NINL: variants seen among roughly 807,000 people sequenced by gnomAD.
NINL encodes the protein ninein like, also known as ninein-like protein.
In NINL, 153 loss-of-function variants were observed where a neutral mutation model predicts 160.3. The ratio of observed to expected loss-of-function variants is 0.95; its 90% CI spans 0.84 to 1.09. NINL has a LOEUF of 1.09. Ranked by LOEUF, NINL falls within the 50% of genes least tolerant of loss-of-function variation. The probability of loss-of-function intolerance (pLI) is 0.00; values close to 1 mark genes in which losing one functional copy is unlikely to be tolerated. For synonymous variants in NINL, 800 were observed against 734.8 expected (o/e 1.09, Z -1.43); for missense variants, 1,829 against 1,764.0 (o/e 1.04, Z -0.66).
chr20:25,461,070 C>A (rs1031330267), intron 21 of NINL, among the ~76,000 whole-genome samples: 42 of 152,324 alleles, frequency 2.8e-4, no homozygotes, highest in African/African-American at 9.4e-4. Flanking sequence ...ATAGCCCAGC[C>A]TCCTGTGTCT....
intron 4 of NINL, among the ~76,000 whole-genome samples, 163 bp from the exon 5 acceptor site, chr20:25,510,903 A>G (rs2146870358): frequency 6.6e-6 from 1 of 152,318 alleles, no homozygotes; most frequent in African/African-American, 2.4e-5. Context: ...GCTGCCCTGC[A>G]TGCCAGCTAG....
intron 2 of NINL, among the ~76,000 whole-genome samples, chr20:25,518,121 C>T (rs1351246733): frequency 6.6e-6 from 1 of 152,216 alleles, no homozygotes; most frequent in Non-Finnish European, 1.5e-5. Flanking sequence ...GATCTGATGA[C>T]CACGAAACGT....
At chr20:25,453,759 T>C (rs1282543351) in intron 23 of NINL, 117 bp from the exon 24 acceptor site, 1 of 963,738 alleles carries the variant, frequency 1.0e-6, no homozygotes, top group African/African-American at 1.7e-5. Context: ...CTCTTAGAAA[T>C]CTGACCCAAG....
At chr20:25,510,815 A>G in intron 4 of NINL, 75 bp from the exon 5 acceptor site, 1 of 1,144,528 alleles carries the variant, frequency 8.7e-7, no homozygotes. Flanking sequence ...GAACAAATAG[A>G]GCAGGATGTT....
chr20:25,584,005 G>A (rs1009547912), intron 1 of NINL, among the ~76,000 whole-genome samples: 1 of 152,116 alleles, frequency 6.6e-6, no homozygotes, highest in African/African-American at 2.4e-5. Context: ...GCAAGAGGAG[G>A]GAGAGCATTA....
intron 12 of NINL, among the ~76,000 whole-genome samples, chr20:25,489,638 C>G (rs572132294): frequency 1.3e-5 from 2 of 152,194 alleles, no homozygotes; most frequent in Admixed American, 1.3e-4. Flanking sequence ...CCTCCACGCC[C>G]CCCACCACTG....
intron 13 of NINL, among the ~76,000 whole-genome samples, chr20:25,486,293 C>T (rs2063502843): frequency 6.6e-6 from 1 of 152,100 alleles, no homozygotes; most frequent in Non-Finnish European, 1.5e-5. Flanking sequence ...AATAGGTTAG[C>T]ATTTAAATAT....
chr20:25,524,284 C>T (rs926517276), intron 2 of NINL, among the ~76,000 whole-genome samples: 2 of 152,148 alleles, frequency 1.3e-5, no homozygotes, highest in African/African-American at 4.8e-5. Context: ...AGGGTGCTCT[C>T]GAAATGTTAC....
At chr20:25,531,716 A>G (rs2064467444) in intron 1 of NINL, among the ~76,000 whole-genome samples, 2 of 152,116 alleles carry the variant, frequency 1.3e-5, no homozygotes, top group Non-Finnish European at 2.9e-5. Context: ...CCTCCTGACC[A>G]TGCCCCAAAA....
intron 9 of NINL, among the ~76,000 whole-genome samples, chr20:25,497,661 C>G (rs1195629752): frequency 6.6e-6 from 1 of 152,248 alleles, no homozygotes; most frequent in Non-Finnish European, 1.5e-5. Context: ...GGGTTCTCAG[C>G]CCAACGTCAC....
At position 25,481,960 on chromosome 20, in the gene NINL, G is replaced by T; in HGVS notation, c.1810+8C>A. The T allele has an allele frequency of 6.3e-7, 1 of 1,595,346 alleles. No homozygotes were observed. Among genetic ancestry groups the T allele is most frequent in the South Asian group, 1.1e-5 (1 of 90,874 alleles). ...TGGGTCAGCCCCCTCCCAGGGACGG[G>T]CTCCTACCTGCTGGGCCGAGTCCAG... On this transcript the variant is annotated splice_region_variant and intron_variant, in intron 14 of 23. Transcript: ENST00000278886.
intron 1 of NINL, among the ~76,000 whole-genome samples, chr20:25,561,072 T>G (rs1296832756): frequency 6.7e-6 from 1 of 148,218 alleles, no homozygotes; most frequent in Non-Finnish European, 1.5e-5. Flanking sequence ...TTCCACGGTC[T>G]CCCTCTCATG....
At chr20:25,538,588 A>G (rs1044444898) in intron 1 of NINL, among the ~76,000 whole-genome samples, 2 of 152,176 alleles carry the variant, frequency 1.3e-5, no homozygotes, top group African/African-American at 4.8e-5. Flanking sequence ...CAACCATGGC[A>G]TGGCCTCTGC....
chr20:25,461,372 G>T, intron 21 of NINL, 150 bp downstream of exon 21: 1 of 560,428 alleles, frequency 1.8e-6, no homozygotes, highest in East Asian at 3.2e-5. Context: ...AGCAGCTTCG[G>T]TCCTGGCCCG....
At chr20:25,518,169 A>G (rs1174103022) in intron 2 of NINL, among the ~76,000 whole-genome samples, 1 of 152,204 alleles carries the variant, frequency 6.6e-6, no homozygotes, top group Non-Finnish European at 1.5e-5. Context: ...CCCCAACGCC[A>G]CCAGCACTGC....
At position 25,456,241 on chromosome 20, in the gene NINL, C is replaced by CAAA. The variant is rs34657031; in HGVS notation, c.3844-458_3844-456dup. ...CTGGTGACAGAGTGAGACTCCATCT[C>CAAA]AAAAAAAAAAAAAAAAAAAAAAAAA... On this transcript the variant is annotated intron_variant, in intron 22 of 23. Transcript: ENST00000278886. 2.6e-3 allele frequency among the ~76,000 whole-genome samples: 107 copies of CAAA among 40,684 alleles called. 4 individuals carry two copies. The highest frequency in any genetic ancestry group is 8.4e-3 in the African/African-American group (82 of 9,812). The allele number at this position is 40,684 out of a possible 152,430, so 26.7% of individuals were successfully genotyped here. A position where few individuals can be genotyped will look rare whatever the true frequency, so the allele number is the denominator to read the frequency against.
intron 17 of NINL, 40 bp downstream of exon 17, chr20:25,476,003 G>A (rs752350447): frequency 3.2e-6 from 5 of 1,579,544 alleles, no homozygotes; most frequent in Non-Finnish European, 3.4e-6. Context: ...TGCATTTTTA[G>A]TTTGAAGTGT....
Position 25,479,053 on chromosome 20 carries a change from A to G in NINL, c.2071T>C (p.Trp691Arg), listed in dbSNP as rs1476803158. ...ELHEKSQEVI[W>R]GLQEQLQDTA... ...TCCTGCAGCTGCTCCTGCAGGCCCC[A>G]GATGACCTCCTGAGACTTCTCGTGG... Residue 691 changes from tryptophan (W) to arginine (R), a missense_variant, in exon 16 of 24, where the codon TGG becomes CGG. Physicochemically the swap from Trp to Arg is moderately radical, Grantham distance 101. Coordinates refer to ENST00000278886, the MANE Select transcript of NINL (RefSeq NM_025176.6). 6.2e-7 allele frequency: 1 copy of G among 1,612,166 alleles called. No homozygotes were observed.
intron 13 of NINL, among the ~76,000 whole-genome samples, chr20:25,486,159 C>T (rs2063499554): frequency 6.6e-6 from 1 of 152,062 alleles, no homozygotes; most frequent in African/African-American, 2.4e-5. Context: ...GCTCTGTGCA[C>T]TAGTTTTGTT....
Sources: allele counts gnomAD v4.1 joint callset (sites outside exome capture counted in the v4.1 genomes callset), GRCh38; gene constraint gnomAD v4.1.1; transcripts MANE v1.5; gene names NCBI Gene and HGNC (gene_info 2026-07-23, HGNC 2026-07-21).